The following POFUT3 variants were observed in gnomAD, a reference collection of about 807,000 sequenced individuals.
The protein encoded by POFUT3 is protein O-fucosyltransferase 3.
the POFUT3 span, among the ~76,000 whole-genome samples, chr8:33,338,183 G>T: frequency 6.6e-6 from 1 of 152,176 alleles, no homozygotes; most frequent in Non-Finnish European, 1.5e-5. Context: ...GGAGGTTAGG[G>T]CTTCAATATG....
chr8:33,461,198 G>A, the POFUT3 span, among the ~76,000 whole-genome samples: 42 of 14,916 alleles, frequency 2.8e-3, 1 homozygote, highest in African/African-American at 0.022. Flanking sequence ...AGGAAGGGAG[G>A]GAGGGAGGGA....
the POFUT3 span, chr8:33,389,469 T>C: frequency 6.2e-7 from 1 of 1,614,228 alleles, no homozygotes; most frequent in Non-Finnish European, 8.5e-7. Flanking sequence ...TCGATGTAAG[T>C]CATCAGCTCG....
chr8:33,430,591 CTTTA>C, the POFUT3 span, among the ~76,000 whole-genome samples: 2 of 152,006 alleles, frequency 1.3e-5, no homozygotes, highest in Non-Finnish European at 2.9e-5. Flanking sequence ...AAAGACATTG[CTTTA>C]TTTATTTATT....
At chr8:33,442,988 C>T in the POFUT3 span, among the ~76,000 whole-genome samples, 1 of 151,982 alleles carries the variant, frequency 6.6e-6, no homozygotes, top group African/African-American at 2.4e-5. Flanking sequence ...TGGTGTGTGC[C>T]TATAGTCCCA....
the POFUT3 span, among the ~76,000 whole-genome samples, chr8:33,395,568 C>T: frequency 6.6e-6 from 1 of 152,094 alleles, no homozygotes; most frequent in South Asian, 2.1e-4. Flanking sequence ...AATAAAATCT[C>T]CACATTCACC....
chr8:33,419,668 AG>A, the POFUT3 span, among the ~76,000 whole-genome samples: 3 of 152,220 alleles, frequency 2.0e-5, no homozygotes, highest in Admixed American at 2.0e-4. Flanking sequence ...AAAATATTAC[AG>A]GTTCCTCATA....
At chr8:33,389,677 C>T in the POFUT3 span, 2 of 1,614,118 alleles carry the variant, frequency 1.2e-6, no homozygotes, top group Non-Finnish European at 1.7e-6. Context: ...TGTAGTTGAA[C>T]AAGGTGATCA....
chr8:33,471,767 C>T, the POFUT3 span, among the ~76,000 whole-genome samples: 1 of 151,924 alleles, frequency 6.6e-6, no homozygotes, highest in Non-Finnish European at 1.5e-5. Context: ...GCAATAACAA[C>T]ACAGTAAAAG....
At chr8:33,398,154 T>A in the POFUT3 span, among the ~76,000 whole-genome samples, 1 of 152,312 alleles carries the variant, frequency 6.6e-6, no homozygotes, top group South Asian at 2.1e-4. Context: ...TACTGATAAG[T>A]ACACAGAAAA....
the POFUT3 span, among the ~76,000 whole-genome samples, chr8:33,409,171 C>T: frequency 1.3e-5 from 2 of 152,142 alleles, no homozygotes; most frequent in Non-Finnish European, 2.9e-5. Context: ...GTCACAATCT[C>T]GGCTCACTGC....
the POFUT3 span, among the ~76,000 whole-genome samples, chr8:33,432,814 T>C: frequency 6.6e-6 from 1 of 152,226 alleles, no homozygotes; most frequent in East Asian, 1.9e-4. Context: ...TCCACATGCA[T>C]TTTTTATTAT....
the POFUT3 span, among the ~76,000 whole-genome samples, chr8:33,454,986 C>A: frequency 1.3e-5 from 2 of 152,026 alleles, no homozygotes; most frequent in Non-Finnish European, 2.9e-5. Context: ...CTTAATGAAA[C>A]CTATGACAGG....
At chr8:33,364,816 T>C in the POFUT3 span, among the ~76,000 whole-genome samples, 3 of 152,130 alleles carry the variant, frequency 2.0e-5, no homozygotes, top group East Asian at 3.9e-4. Flanking sequence ...GAAGAATCAA[T>C]AGCGTGAAAA....
chr8:33,413,688 G>T, the POFUT3 span, among the ~76,000 whole-genome samples: 19 of 152,130 alleles, frequency 1.2e-4, no homozygotes, highest in Non-Finnish European at 2.4e-4. Flanking sequence ...AACTAAGTGG[G>T]AATTTAAGTG....
the POFUT3 span, among the ~76,000 whole-genome samples, chr8:33,315,556 G>A: frequency 7.9e-5 from 12 of 152,054 alleles, no homozygotes; most frequent in Admixed American, 5.2e-4. Flanking sequence ...AGTGGGGGCC[G>A]TGTCCTGCCT....
At chr8:33,394,673 A>T in the POFUT3 span, among the ~76,000 whole-genome samples, 7 of 132,172 alleles carry the variant, frequency 5.3e-5, no homozygotes, top group Middle Eastern at 3.8e-3. Context: ...CTTAAAAATT[A>T]AAAAAAAAAA....
chr8:33,442,558 A>G, the POFUT3 span, among the ~76,000 whole-genome samples: 1 of 151,424 alleles, frequency 6.6e-6, no homozygotes, highest in East Asian at 2.0e-4. Flanking sequence ...TGCTGGGATT[A>G]CAGGCATGAG....
At chr8:33,358,838 T>TAA in the POFUT3 span, among the ~76,000 whole-genome samples, 5 of 147,230 alleles carry the variant, frequency 3.4e-5, no homozygotes, top group African/African-American at 1.0e-4. Flanking sequence ...CCCCATCTCT[T>TAA]AAAAAAAAAA....
At chr8:33,444,054 T>A in the POFUT3 span, among the ~76,000 whole-genome samples, 2 of 150,666 alleles carry the variant, frequency 1.3e-5, no homozygotes, top group African/African-American at 4.9e-5. Flanking sequence ...GCTATAGCAA[T>A]GAACAAAGCA....
Sources: gnomAD v4.1 joint callset for allele counts (sites outside exome capture counted in the v4.1 genomes callset) on GRCh38, gnomAD v4.1.1 for gene constraint, MANE v1.5 for transcripts, NCBI Gene and HGNC (gene_info 2026-07-23, HGNC 2026-07-21) for gene names.